Variants in AVEN observed in about 807,000 individuals in gnomAD.
The protein encoded by AVEN is cell death regulator Aven.
In AVEN, 41 loss-of-function variants were observed where a neutral mutation model predicts 38.1. That is an observed-to-expected ratio of 1.08 (90% CI 0.84 to 1.40). The LOEUF is 1.40. Ranked by LOEUF, AVEN falls within the 40% of genes most tolerant of loss-of-function variation. The pLI, the probability that AVEN is intolerant of heterozygous loss-of-function variation, is 0.00. For missense variants in AVEN, 605 were observed against 438.8 expected (o/e 1.38, Z -3.38); for synonymous variants, 206 against 171.8 (o/e 1.20, Z -1.56).
downstream of AVEN, among the ~76,000 whole-genome samples, chr15:33,862,757 C>T (rs974385585): frequency 2.0e-5 from 3 of 152,112 alleles, no homozygotes; most frequent in Non-Finnish European, 4.4e-5. Context: ...ACTACAGGCA[C>T]CTGCCACCAT....
At chr15:34,027,263 C>T (rs939385660) in intron 1 of AVEN, among the ~76,000 whole-genome samples, 3 of 152,116 alleles carry the variant, frequency 2.0e-5, no homozygotes, top group Admixed American at 6.6e-5. Flanking sequence ...ACCTGTAATC[C>T]TAGCACTTTG....
intron 11 of AVEN, chr15:33,859,767 T>TTAATC (rs2153013732): frequency 1.3e-6 from 2 of 1,569,120 alleles, no homozygotes; most frequent in Admixed American, 3.7e-5. Flanking sequence ...TGAACAGGGT[T>TTAATC]TAATCTAGTT....
chr15:33,989,177 AG>A (rs1380568550), intron 2 of AVEN, among the ~76,000 whole-genome samples: 1 of 152,190 alleles, frequency 6.6e-6, no homozygotes, highest in Non-Finnish European at 1.5e-5. Flanking sequence ...ATAAAAGAGA[AG>A]ATGAGTTAAT....
At position 34,039,134 on chromosome 15, in the gene AVEN, G is replaced by C. The variant is rs1331415882; in HGVS notation, c.-88C>G. ...CACCGGAAGCGGGCCGCACGGAGGA[G>C]CCGCGAGCGAAAGGCGCCCGGTAGC... is the stretch of plus-strand genomic sequence containing the variant. On this transcript the variant is annotated 5_prime_UTR_variant, in exon 1 of 6. Coordinates refer to ENST00000306730, the MANE Select transcript of AVEN (RefSeq NM_020371.3). 2 of 1,029,564 alleles carry C rather than the reference G, an allele frequency of 1.9e-6. No individual in the cohort carries two copies. Among genetic ancestry groups the C allele is most frequent in the Non-Finnish European group, 2.3e-6 (2 of 856,264 alleles). The allele number at this position is 1,029,564 out of a possible 1,614,324, so 63.8% of individuals were successfully genotyped here. A position where few individuals can be genotyped will look rare whatever the true frequency, so the allele number is the denominator to read the frequency against.
intron 2 of AVEN, among the ~76,000 whole-genome samples, chr15:33,973,734 T>C (rs1895740681): frequency 6.6e-6 from 1 of 152,190 alleles, no homozygotes; most frequent in African/African-American, 2.4e-5. Context: ...TTGTCTGACA[T>C]ACGAAATTGC....
rs1597227818 is a variant in AVEN at position 33,916,906 on chromosome 15, C to T, written c.446-40911G>A. On this transcript the variant is annotated intron_variant, in intron 2 of 5. Transcript: ENST00000306730. ...CAAACATGGTGGAAGGGGAAGCAAACACACCCTTCTTCACATCGCAGCAGC... is the reference window on the plus strand; with the variant it reads ...CAAACATGGTGGAAGGGGAAGCAAATACACCCTTCTTCACATCGCAGCAGC... Among the ~76,000 whole-genome samples the T allele has an allele frequency of 2.6e-5, 4 of 152,132 alleles. No homozygotes were observed. The South Asian group carries it at 8.3e-4, about 32-fold the overall frequency.
chr15:33,882,546 A>C (rs757031399), intron 2 of AVEN, among the ~76,000 whole-genome samples: 1 of 129,476 alleles, frequency 7.7e-6, no homozygotes, highest in Non-Finnish European at 1.6e-5. Flanking sequence ...TAATTGTGTG[A>C]AGAAGCAAAA....
chr15:33,899,396 T>C (rs1033658244), intron 2 of AVEN, among the ~76,000 whole-genome samples: 6 of 151,726 alleles, frequency 4.0e-5, no homozygotes, highest in African/African-American at 1.5e-4. Context: ...TCTGCTGAAA[T>C]AGTTTTCTCT....
In AVEN at chr15:34,063,805, T is replaced by G; in HGVS notation, n.1127-373A>C. ...GACTATGACACCCCAAACTACCTTC[T>G]GTCTCCAGCAGCTGCTCATAGACCC... On this transcript the variant is annotated intron_variant and non_coding_transcript_variant, in intron 4 of 11. Transcript: ENST00000675287. The surrounding 1 kb of genome is among the most constrained non-coding windows in gnomAD (Gnocchi z 4.1). 6.2e-7 allele frequency: 1 copy of G among 1,614,254 alleles called. No homozygotes were observed. Among genetic ancestry groups the G allele is most frequent in the African/African-American group, 1.3e-5 (1 of 75,062 alleles).
At chr15:34,043,118 G>A (rs1899545828), upstream of AVEN, among the ~76,000 whole-genome samples, 1 of 151,966 alleles carries the variant, frequency 6.6e-6, no homozygotes, top group African/African-American at 2.4e-5. Flanking sequence ...ATGGTGACGG[G>A]CGCCTGTAGT....
At chr15:33,906,115 C>T (rs1419386500) in intron 2 of AVEN, among the ~76,000 whole-genome samples, 1 of 152,182 alleles carries the variant, frequency 6.6e-6, no homozygotes, top group Non-Finnish European at 1.5e-5. Flanking sequence ...TACCTAAGAA[C>T]AGGTCTACGT....
At chr15:34,050,323 T>C (rs1899889010) in intron 5 of AVEN, among the ~76,000 whole-genome samples, 1 of 152,194 alleles carries the variant, frequency 6.6e-6, no homozygotes, top group Non-Finnish European at 1.5e-5. Context: ...GGGCCTGCCT[T>C]GCAAGAGCTC....
chr15:33,960,172 C>A (rs970049022), intron 2 of AVEN, among the ~76,000 whole-genome samples: 12 of 152,132 alleles, frequency 7.9e-5, no homozygotes, highest in Non-Finnish European at 5.9e-5. Flanking sequence ...GATACACGAA[C>A]CTCTTTCAGC....
intron 1 of AVEN, among the ~76,000 whole-genome samples, chr15:34,009,754 A>G (rs631092): frequency 0.94 from 142,676 of 152,204 alleles, 67,511 homozygotes; most frequent in Non-Finnish European, 1. Context: ...TTGGGAGGCC[A>G]AGGTAGGGAG....
the AVEN span, chr15:33,853,525 C>G: frequency 1.2e-6 from 2 of 1,609,392 alleles, no homozygotes; most frequent in Non-Finnish European, 1.7e-6. Flanking sequence ...GGCGTGTGGC[C>G]TGAGCTCACC....
chr15:34,068,120 ATG>A (rs4041440), intron 2 of AVEN, among the ~76,000 whole-genome samples: 22,645 of 150,364 alleles, frequency 0.15, 1,956 homozygotes, highest in South Asian at 0.27. Context: ...CTCTCTCTGT[ATG>A]TGTGTGTGTG....
At position 34,021,913 on chromosome 15, in the gene AVEN, GA is replaced by G. The variant is rs1252277460; in HGVS notation, c.267+16866del. ...CACTTCCACATGGCAACATTAACAT[GA>G]AAAAGAAGTGAGCACCCACAGCACT... On this transcript the variant is annotated intron_variant, in intron 1 of 5. Coordinates refer to ENST00000306730, the MANE Select transcript of AVEN (RefSeq NM_020371.3). Among the ~76,000 whole-genome samples, 22 of 152,202 alleles carry G rather than the reference GA, an allele frequency of 1.4e-4. No homozygotes were observed. In the South Asian group the frequency reaches 4.6e-3, roughly 32 times the overall value.
At chr15:34,062,805 G>A (rs1388695811) in intron 5 of AVEN, 1 of 1,614,234 alleles carries the variant, frequency 6.2e-7, no homozygotes, top group Admixed American at 1.7e-5. Flanking sequence ...GTTGTGGGAA[G>A]TCATCACCAT....
chr15:34,013,861 T>C (rs1897745931), intron 1 of AVEN, among the ~76,000 whole-genome samples: 1 of 152,162 alleles, frequency 6.6e-6, no homozygotes. Context: ...GAAACAGTTC[T>C]GCTCTAGATG....
Sources: gnomAD v4.1 joint callset for allele counts (sites outside exome capture counted in the v4.1 genomes callset) on GRCh38, gnomAD v4.1.1 for gene constraint, Gnocchi (gnomAD v3.1) non-coding constraint, MANE v1.5 for transcripts, NCBI Gene and HGNC (gene_info 2026-07-23, HGNC 2026-07-21) for gene names.